The following BAALC variants were observed in gnomAD, a reference collection of about 807,000 sequenced individuals.
BAALC encodes brain and acute leukemia cytoplasmic protein.
Under a neutral mutation model 15.5 loss-of-function variants are expected in BAALC, and 9 were observed. The observed-to-expected ratio is 0.58, with a 90% confidence interval of 0.35 to 1.02. The LOEUF (loss-of-function observed/expected upper bound fraction) is 1.02. Among genes scored for constraint, BAALC ranks in the 50% least tolerant of loss-of-function variants. BAALC has a pLI of 0.02. For synonymous variants in BAALC, 80 were observed against 74.6 expected (o/e 1.07, Z -0.37); for missense variants, 201 against 192.4 (o/e 1.04, Z -0.27).
intron 1 of BAALC, among the ~76,000 whole-genome samples, chr8:103,206,141 A>T (rs1288083842): frequency 6.6e-6 from 1 of 152,164 alleles, no homozygotes. Flanking sequence ...TTGTCCCTTG[A>T]TAGCCTCCAT....
intron 2 of BAALC, among the ~76,000 whole-genome samples, chr8:103,217,516 C>T (rs964944930): frequency 4.6e-5 from 7 of 152,126 alleles, no homozygotes; most frequent in African/African-American, 1.7e-4. Context: ...TGTGCATTTT[C>T]AGTATCTGGC....
rs918759540 is a variant in BAALC at position 103,228,763 on chromosome 8, G to A, written c.*664G>A. ...AAGCAGTCATACCTGCTCCTCATCT[G>A]CCTGGAAAGTCCTCCTATTCCAGTG... On this transcript the variant is annotated 3_prime_UTR_variant, in exon 3 of 3. Transcript: ENST00000309982. 6.6e-6 allele frequency: 1 copy of A among 152,262 alleles called. No individual in the cohort carries two copies. The highest frequency in any genetic ancestry group is 1.9e-4 in the East Asian group (1 of 5,198). The allele number at this position is 152,262 out of a possible 1,614,324, so 9.4% of individuals were successfully genotyped here.
Position 103,229,598 on chromosome 8 carries a change from C to A in BAALC, c.*1499C>A, listed in dbSNP as rs1398603783. The A allele has an allele frequency of 1.3e-5, 2 of 152,220 alleles. No individual in the cohort carries two copies. Among genetic ancestry groups the A allele is most frequent in the Non-Finnish European group, 2.9e-5 (2 of 68,044 alleles). 9.4% of individuals were successfully genotyped at this position (152,220 alleles called of 1,614,324 possible). On this transcript the variant is annotated 3_prime_UTR_variant, in exon 3 of 3. Transcript: ENST00000309982. ...TTGGGGTCTGGTTAGTCGTGACTAT[C>A]TATCCTGAATCTAACAGTGACTTCA... is the stretch of plus-strand genomic sequence containing the variant.
intron 1 of BAALC, among the ~76,000 whole-genome samples, chr8:103,170,176 A>G (rs1811446678): frequency 6.6e-6 from 1 of 151,292 alleles, no homozygotes; most frequent in Non-Finnish European, 1.5e-5. Context: ...GGAGTGGGAC[A>G]GAGCTCATTG....
intron 1 of BAALC, among the ~76,000 whole-genome samples, chr8:103,194,417 A>G (rs1563649855): frequency 6.6e-6 from 1 of 152,138 alleles, no homozygotes; most frequent in Non-Finnish European, 1.5e-5. Context: ...TGAATTTATC[A>G]TTTTCTCTCT....
At chr8:103,209,640 C>T (rs2130057422) in intron 1 of BAALC, among the ~76,000 whole-genome samples, 1 of 152,230 alleles carries the variant, frequency 6.6e-6, no homozygotes, top group Non-Finnish European at 1.5e-5. Flanking sequence ...GAATTCATTG[C>T]TTTTATTCCC....
rs368139550 is a variant in BAALC, at chr8:103,140,936, C to G, written c.39C>G (p.Pro13=). The G allele has an allele frequency of 1.5e-4, 223 of 1,533,798 alleles. 1 individual carries two copies. The highest frequency in any genetic ancestry group is 5.2e-4 in the Middle Eastern group (3 of 5,812). The change falls in exon 1 of 3, where the codon CCC becomes CCG. Residue 13 remains proline, a synonymous_variant. Coordinates refer to ENST00000309982, the MANE Select transcript of BAALC (RefSeq NM_024812.3). This position sits in a 1 kb window ranked among gnomAD's most constrained non-coding sequence, Gnocchi z 4.2. ...CGGSRADAIE[P]RYYESWTRET... is the part of the protein sequence containing the mutation. ...GGAGCCGGGCGGATGCCATCGAGCC[C>G]CGCTACTACGAGAGCTGGACCCGGG...
At chr8:103,223,229 A>C (rs1345908982) in intron 2 of BAALC, among the ~76,000 whole-genome samples, 1 of 152,144 alleles carries the variant, frequency 6.6e-6, no homozygotes, top group Non-Finnish European at 1.5e-5. Flanking sequence ...AATCTCTTGA[A>C]CCTGGGAGGC....
chr8:103,155,278 C>A (rs1210175410), intron 1 of BAALC, among the ~76,000 whole-genome samples: 1 of 151,942 alleles, frequency 6.6e-6, no homozygotes, highest in Non-Finnish European at 1.5e-5. Flanking sequence ...ACCATGATAC[C>A]ATCATCACAC....
chr8:103,201,620 A>C (rs1429897396), intron 1 of BAALC, among the ~76,000 whole-genome samples: 1 of 152,224 alleles, frequency 6.6e-6, no homozygotes, highest in African/African-American at 2.4e-5. Context: ...ATGAGAATTC[A>C]GTCTTTGTCA....
At chr8:103,170,835 T>G (rs1811466250) in intron 1 of BAALC, among the ~76,000 whole-genome samples, 2 of 152,200 alleles carry the variant, frequency 1.3e-5, no homozygotes, top group African/African-American at 4.8e-5. Context: ...CTTTCAGTAT[T>G]CTTAGAAATG....
chr8:103,212,792 G>T, intron 1 of BAALC, 127 bp from the exon 2 acceptor site: 1 of 929,544 alleles, frequency 1.1e-6, no homozygotes, highest in Admixed American at 2.8e-5. Context: ...GGGTAGCTCT[G>T]CATGGTGGGA....
intron 1 of BAALC, among the ~76,000 whole-genome samples, chr8:103,176,468 G>GA (rs144959529): frequency 0.099 from 14,563 of 147,146 alleles, 963 homozygotes; most frequent in Non-Finnish European, 0.15. Flanking sequence ...AGTGCCATAA[G>GA]AAAAAAAAAA....
intron 1 of BAALC, among the ~76,000 whole-genome samples, chr8:103,158,098 T>C (rs1368964080): frequency 3.3e-5 from 5 of 152,228 alleles, no homozygotes; most frequent in African/African-American, 9.6e-5. Context: ...ATTTGGTTTA[T>C]ATTTTTCTTG....
intron 1 of BAALC, among the ~76,000 whole-genome samples, chr8:103,196,290 T>C (rs981215626): frequency 5.9e-5 from 9 of 152,098 alleles, no homozygotes; most frequent in African/African-American, 2.2e-4. Context: ...GTTATTGTTA[T>C]CGTTTTTTGA....
intron 2 of BAALC, among the ~76,000 whole-genome samples, chr8:103,224,602 G>A (rs1563659428): frequency 6.6e-6 from 1 of 152,056 alleles, no homozygotes; most frequent in Non-Finnish European, 1.5e-5. Flanking sequence ...ACTTCAGGGA[G>A]AGCAGGTTGT....
At chr8:103,198,318 AT>A (rs747604491) in intron 1 of BAALC, among the ~76,000 whole-genome samples, 7 of 152,198 alleles carry the variant, frequency 4.6e-5, no homozygotes, top group Non-Finnish European at 8.8e-5. Flanking sequence ...AAATAGCCTA[AT>A]ATTCTGGGTG....
intron 1 of BAALC, among the ~76,000 whole-genome samples, chr8:103,194,848 G>A (rs768608422): frequency 6.6e-6 from 1 of 152,106 alleles, no homozygotes; most frequent in Non-Finnish European, 1.5e-5. Flanking sequence ...AATGGCCTAC[G>A]CTAGTTTCCT....
At chr8:103,189,394 G>A (rs1191292344) in intron 1 of BAALC, among the ~76,000 whole-genome samples, 2 of 152,120 alleles carry the variant, frequency 1.3e-5, no homozygotes, top group African/African-American at 2.4e-5. Context: ...GCATAAATAC[G>A]ATCAAAAACT....
Sources: gnomAD v4.1 joint callset for allele counts (sites outside exome capture counted in the v4.1 genomes callset) on GRCh38, gnomAD v4.1.1 for gene constraint, Gnocchi (gnomAD v3.1) non-coding constraint, MANE v1.5 for transcripts, NCBI Gene and HGNC (gene_info 2026-07-23, HGNC 2026-07-21) for gene names.